Variants in ITPK1 observed in about 807,000 individuals in gnomAD.
ITPK1 encodes the protein inositol 1,3,4-trisphosphate 5/6-kinase.
ITPK1 carries 21 observed loss-of-function variants against 45.3 expected under a neutral mutation model. The observed-to-expected ratio is 0.46, with a 90% CI of 0.33 to 0.67. The LOEUF (loss-of-function observed/expected upper bound fraction) is 0.67. ITPK1 is among the 30% of genes least tolerant of loss of function. The pLI is 0.02. For synonymous variants in ITPK1, 258 were observed against 253.6 expected (o/e 1.02, Z -0.16); for missense variants, 474 against 573.5 (o/e 0.83, Z 1.77).
intron 3 of ITPK1, among the ~76,000 whole-genome samples, chr14:93,038,614 AC>A (rs1264153234): frequency 6.6e-6 from 1 of 151,792 alleles, no homozygotes; most frequent in African/African-American, 2.4e-5. Flanking sequence ...TGCAACCTCC[AC>A]CTCCTGGGTT....
intron 5 of ITPK1, among the ~76,000 whole-genome samples, chr14:92,992,712 C>A (rs1380046571): frequency 2.6e-5 from 4 of 152,228 alleles, no homozygotes; most frequent in Admixed American, 6.5e-5. Context: ...GCCCTCTGGC[C>A]ATGGACATGA....
At chr14:92,994,109 T>G (rs530073822) in intron 4 of ITPK1, 112 bp from the exon 5 acceptor site, 33 of 704,446 alleles carry the variant, frequency 4.7e-5, no homozygotes, top group African/African-American at 4.7e-4. Context: ...CAGCCCTAGC[T>G]TTGGTGGAGG....
rs1408392136 is a variant in ITPK1, at chr14:92,941,262, C to T, written c.*299G>A. 1.3e-5 allele frequency: 18 copies of T among 1,370,934 alleles called. No homozygotes were observed. Among genetic ancestry groups the T allele is most frequent in the East Asian group, 8.8e-5 (3 of 34,144 alleles). 84.9% of individuals were successfully genotyped at this position (1,370,934 alleles called of 1,614,324 possible). On this transcript the variant is annotated 3_prime_UTR_variant, in exon 11 of 11. Coordinates refer to ENST00000267615, the MANE Select transcript of ITPK1 (RefSeq NM_014216.6). ...CTGGCATGGCAGCCATACGCACACC[C>T]CTCACCTCCCATCCAGACCTAGTGT...
chr14:93,082,111 G>A (rs543901039), intron 2 of ITPK1, among the ~76,000 whole-genome samples: 76 of 152,016 alleles, frequency 5.0e-4, no homozygotes, highest in Middle Eastern at 6.8e-3. Flanking sequence ...AGCAGGATCT[G>A]ATTTGCTAGG....
chr14:92,945,732 G>C (rs1887653775), intron 10 of ITPK1, among the ~76,000 whole-genome samples: 2 of 152,130 alleles, frequency 1.3e-5, no homozygotes, highest in African/African-American at 4.8e-5. Context: ...GTCCCCATAG[G>C]GCCCCTCACT....
chr14:93,093,192 G>C (rs921326420), intron 2 of ITPK1, among the ~76,000 whole-genome samples: 3 of 152,198 alleles, frequency 2.0e-5, no homozygotes, highest in Non-Finnish European at 4.4e-5. Flanking sequence ...CTGTGGGGCA[G>C]ACACGACCCA....
intron 3 of ITPK1, among the ~76,000 whole-genome samples, chr14:93,029,287 C>T (rs8003442): frequency 2.0e-5 from 3 of 152,076 alleles, no homozygotes; most frequent in African/African-American, 4.8e-5. Flanking sequence ...TCACACTGCC[C>T]GCCCCTCACC....
At chr14:92,997,200 A>G (rs569214826) in intron 4 of ITPK1, among the ~76,000 whole-genome samples, 10 of 152,336 alleles carry the variant, frequency 6.6e-5, no homozygotes, top group Admixed American at 6.5e-4. Flanking sequence ...CTTAGAACAC[A>G]GATGTGCTCC....
intron 3 of ITPK1, chr14:93,068,507 C>T (rs1370405863): frequency 2.0e-5 from 3 of 152,304 alleles, no homozygotes; most frequent in African/African-American, 4.8e-5. Flanking sequence ...AACCCCACAG[C>T]GATTGTTATT....
At chr14:92,963,027 C>T (rs1304741230) in intron 5 of ITPK1, among the ~76,000 whole-genome samples, 178 bp from the exon 6 acceptor site, 3 of 152,152 alleles carry the variant, frequency 2.0e-5, no homozygotes, top group East Asian at 3.8e-4. Context: ...ACAGCCCTGC[C>T]GTTACATTGT....
intron 3 of ITPK1, among the ~76,000 whole-genome samples, chr14:93,027,282 C>G (rs1316110854): frequency 6.6e-6 from 1 of 152,192 alleles, no homozygotes; most frequent in Non-Finnish European, 1.5e-5. Context: ...TTGTAAATTA[C>G]CAACTGAGCA....
chr14:93,022,958 T>C lies in ITPK1; in HGVS notation c.121-6157A>G, dbSNP rs112349641. Among the ~76,000 whole-genome samples, 4 of 152,346 alleles carry C rather than the reference T, an allele frequency of 2.6e-5. 1 individual carries two copies. The highest frequency in any genetic ancestry group is 9.6e-5 in the African/African-American group (4 of 41,580). On this transcript the variant is annotated intron_variant, in intron 3 of 10. Coordinates refer to ENST00000267615, the MANE Select transcript of ITPK1 (RefSeq NM_014216.6). ...TACAACCACATGAACCAACATTTAC[T>C]GTGGAAAAGGCTGATAAGAAAACCC...
At chr14:93,008,883 C>A (rs1887749905) in intron 4 of ITPK1, among the ~76,000 whole-genome samples, 1 of 152,170 alleles carries the variant, frequency 6.6e-6, no homozygotes, top group South Asian at 2.1e-4. Flanking sequence ...GTGTGTGATT[C>A]CAAACACTAA....
intron 3 of ITPK1, among the ~76,000 whole-genome samples, chr14:93,028,330 A>G (rs79462443): frequency 0.027 from 4,070 of 152,326 alleles, 99 homozygotes; most frequent in Admixed American, 0.085. Context: ...GGACTGTGAC[A>G]TGAGCCGGAA....
At chr14:92,972,353 G>T (rs1595099396) in intron 5 of ITPK1, among the ~76,000 whole-genome samples, 1 of 152,142 alleles carries the variant, frequency 6.6e-6, no homozygotes. Context: ...TAGGACTGGT[G>T]TCCTTATAAG....
chr14:92,953,499 C>A (rs1888057290), intron 8 of ITPK1, among the ~76,000 whole-genome samples: 1 of 152,250 alleles, frequency 6.6e-6, no homozygotes, highest in South Asian at 2.1e-4. Context: ...GCGGCTGGAA[C>A]AGCTCGAGCA....
intron 5 of ITPK1, among the ~76,000 whole-genome samples, chr14:92,990,392 C>T (rs1383970770): frequency 1.3e-5 from 2 of 151,940 alleles, no homozygotes; most frequent in Non-Finnish European, 2.9e-5. Flanking sequence ...TAGAAGGAGC[C>T]AGGGTCCCAG....
At chr14:92,988,289 G>A (rs547862300) in intron 5 of ITPK1, among the ~76,000 whole-genome samples, 4 of 152,296 alleles carry the variant, frequency 2.6e-5, no homozygotes, top group East Asian at 1.9e-4. Context: ...CACACCAAGG[G>A]GTCGCTCTGC....
chr14:93,091,807 C>T (rs1891876503), intron 2 of ITPK1, among the ~76,000 whole-genome samples: 1 of 152,138 alleles, frequency 6.6e-6, no homozygotes, highest in Non-Finnish European at 1.5e-5. Flanking sequence ...AGGAGGCAAA[C>T]CTAGCTCTGC....
Sources: allele counts gnomAD v4.1 joint callset (sites outside exome capture counted in the v4.1 genomes callset), GRCh38; gene constraint gnomAD v4.1.1; transcripts MANE v1.5; gene names NCBI Gene and HGNC (gene_info 2026-07-23, HGNC 2026-07-21).